GBF1: variants seen among roughly 807,000 people sequenced by gnomAD.
GBF1 encodes golgi brefeldin A resistant guanine nucleotide exchange factor 1, also known as Golgi-specific brefeldin A-resistance guanine nucleotide exchange factor 1.
A neutral mutation model predicts 210.5 loss-of-function variants in GBF1; 114 were observed. The ratio of observed to expected loss-of-function variants is 0.54; its 90% CI spans 0.47 to 0.63. The LOEUF is 0.63. Among genes scored for constraint, GBF1 ranks in the 30% least tolerant of loss-of-function variants. GBF1 has a pLI of 0.00. For missense variants in GBF1, 1,851 were observed against 2,357.7 expected, an observed-to-expected ratio of 0.79 and a Z score of 4.45; for synonymous variants, 850 against 889.2, an observed-to-expected ratio of 0.96 and a Z score of 0.78.
chr10:102,349,481 G>A (rs556680521), intron 4 of GBF1, among the ~76,000 whole-genome samples: 5 of 152,288 alleles, frequency 3.3e-5, no homozygotes, highest in Admixed American at 1.3e-4. Context: ...GCAGTGATCC[G>A]AGATCATGCC....
upstream of GBF1, among the ~76,000 whole-genome samples, chr10:102,244,561 C>A (rs2070663073): frequency 6.6e-6 from 1 of 152,224 alleles, no homozygotes; most frequent in African/African-American, 2.4e-5. Flanking sequence ...AACCCTCAGG[C>A]CCCTTAGCGT....
Position 102,258,977 on chromosome 10 carries a change from TA to T in GBF1, c.41del (p.Asn14ThrfsTer33). On this transcript the variant is annotated frameshift_variant, in exon 2 of 40. Coordinates refer to ENST00000369983, the MANE Select transcript of GBF1 (RefSeq NM_001377137.1). LOFTEE classifies it high-confidence loss of function. ...ATATTTACATCATTCAAGGGGAGAT[TA>T]ACATTGTGGTTGGGGCCATCAAACG... Reference protein sequence around the residue: ...KNIYIIQGEINIVVGAIKRNA... With the variant: ...KNIYIIQGEIXIVVGAIKRNA... 1 of 1,608,378 alleles carries T rather than the reference TA, an allele frequency of 6.2e-7. No homozygotes were observed.
intron 1 of GBF1, 112 bp from the exon 2 acceptor site, chr10:102,258,817 G>T (rs1259376672): frequency 1.4e-5 from 8 of 582,644 alleles, no homozygotes; most frequent in Admixed American, 7.9e-5. Context: ...GAAAATCTTG[G>T]TACTGAAAAG....
At chr10:102,316,471 T>G (rs954859440) in intron 3 of GBF1, among the ~76,000 whole-genome samples, 1 of 152,202 alleles carries the variant, frequency 6.6e-6, no homozygotes, top group African/African-American at 2.4e-5. Context: ...CTTGGTAATT[T>G]TAGTAGTCCT....
chr10:102,377,574 T>C (rs2060583765), intron 33 of GBF1, among the ~76,000 whole-genome samples: 1 of 152,062 alleles, frequency 6.6e-6, no homozygotes, highest in Non-Finnish European at 1.5e-5. Flanking sequence ...AGGATGGCCT[T>C]GATCTCCTGA....
chr10:102,358,997 G>A, intron 10 of GBF1: 1 of 586,408 alleles, frequency 1.7e-6, no homozygotes. Context: ...GCTTTTTCTG[G>A]AAGGTAATGA....
At chr10:102,379,225 G>T in intron 33 of GBF1, 59 bp from the exon 34 acceptor site, 1 of 1,541,768 alleles carries the variant, frequency 6.5e-7, no homozygotes, top group Non-Finnish European at 8.9e-7. Context: ...AGTGGGGAGG[G>T]GGAAAGGGAT....
At chr10:102,336,146 CA>C (rs1343251115) in intron 3 of GBF1, among the ~76,000 whole-genome samples, 9 of 151,708 alleles carry the variant, frequency 5.9e-5, no homozygotes, top group Non-Finnish European at 1.0e-4. Context: ...CTAGAAAATA[CA>C]AAAATTAGCT....
At chr10:102,371,060 T>A (rs2060180150) in intron 29 of GBF1, among the ~76,000 whole-genome samples, 200 bp downstream of exon 29, 1 of 152,174 alleles carries the variant, frequency 6.6e-6, no homozygotes, top group Non-Finnish European at 1.5e-5. Context: ...AGCTTGTGTT[T>A]GGCACCTCAG....
the GBF1 span, chr10:102,230,970 G>A: frequency 6.2e-7 from 1 of 1,607,370 alleles, no homozygotes; most frequent in East Asian, 2.2e-5. Context: ...TGCCGTACGA[G>A]TAGCCGGGGT....
intron 17 of GBF1, 135 bp from the exon 18 acceptor site, chr10:102,365,262 T>G (rs2059848609): frequency 1.5e-6 from 1 of 653,416 alleles, no homozygotes; most frequent in African/African-American, 1.8e-5. Context: ...CTAGCCTTAG[T>G]TCTGTAATCA....
intron 36 of GBF1, 51 bp from the exon 37 acceptor site, chr10:102,380,198 G>A (rs910089322): frequency 8.2e-7 from 1 of 1,219,892 alleles, no homozygotes; most frequent in Middle Eastern, 1.9e-4. Flanking sequence ...TCAGAGAGGG[G>A]TCCAGAGGCT....
chr10:102,300,609 A>G (rs1589546940), intron 3 of GBF1, among the ~76,000 whole-genome samples: 2 of 152,130 alleles, frequency 1.3e-5, no homozygotes, highest in South Asian at 4.1e-4. Flanking sequence ...CTGTATATTC[A>G]TTTTTACCTA....
chr10:102,290,685 T>G (rs1176187716), intron 3 of GBF1, among the ~76,000 whole-genome samples: 1 of 152,018 alleles, frequency 6.6e-6, no homozygotes, highest in Admixed American at 6.6e-5. Context: ...ATTAATATTT[T>G]GTAGAGATGG....
At chr10:102,243,111 T>G (rs758154425), upstream of GBF1, among the ~76,000 whole-genome samples, 1 of 152,136 alleles carries the variant, frequency 6.6e-6, no homozygotes, top group Non-Finnish European at 1.5e-5. Flanking sequence ...TTCCTAGTAG[T>G]GTCCTGCACA....
chr10:102,294,189 A>T (rs1393051250), intron 3 of GBF1, among the ~76,000 whole-genome samples: 1 of 152,070 alleles, frequency 6.6e-6, no homozygotes, highest in African/African-American at 2.4e-5. Context: ...TGAAGAAAGA[A>T]AAATCTTTTT....
chr10:102,360,091 C>G (rs1217404396), intron 11 of GBF1, 93 bp from the exon 12 acceptor site: 22 of 803,804 alleles, frequency 2.7e-5, no homozygotes, highest in Non-Finnish European at 4.9e-5. Flanking sequence ...AATCACTTAC[C>G]TAAAATTGCC....
At chr10:102,312,969 G>A (rs2078607055) in intron 3 of GBF1, among the ~76,000 whole-genome samples, 1 of 152,074 alleles carries the variant, frequency 6.6e-6, no homozygotes, top group African/African-American at 2.4e-5. Flanking sequence ...TGAAATTGGG[G>A]CTAAGGTGTG....
upstream of GBF1, among the ~76,000 whole-genome samples, chr10:102,240,514 G>A (rs1293253466): frequency 6.6e-6 from 1 of 152,240 alleles, no homozygotes; most frequent in Non-Finnish European, 1.5e-5. Context: ...CGACCCCATC[G>A]CACACGCAGC....
Sources: allele counts gnomAD v4.1 joint callset (sites outside exome capture counted in the v4.1 genomes callset), GRCh38; gene constraint gnomAD v4.1.1; transcripts MANE v1.5; gene names NCBI Gene and HGNC (gene_info 2026-07-23, HGNC 2026-07-21).